The following BMP2K variants were observed in gnomAD, a reference collection of about 807,000 sequenced individuals.
BMP2K encodes the protein BMP2 inducible kinase.
A neutral mutation model predicts 116.0 loss-of-function variants in BMP2K; 74 were observed. The ratio of observed to expected loss-of-function variants is 0.64; its 90% CI spans 0.53 to 0.77. BMP2K has a LOEUF of 0.77. Among genes scored for constraint, BMP2K ranks in the 30% least tolerant of loss-of-function variants. The pLI, the probability that BMP2K is intolerant of heterozygous loss-of-function variation, is 0.00. For missense variants in BMP2K, 1,365 were observed against 1,403.6 expected, an observed-to-expected ratio of 0.97 and a Z score of 0.44; for synonymous variants, 486 against 502.5, an observed-to-expected ratio of 0.97 and a Z score of 0.44.
At chr4:78,795,788 A>G (rs182445766) in intron 1 of BMP2K, among the ~76,000 whole-genome samples, 126 of 152,372 alleles carry the variant, frequency 8.3e-4, no homozygotes, top group African/African-American at 2.9e-3. Flanking sequence ...ACATGAAAAA[A>G]TACTCATCAT....
chr4:78,799,795 A>T (rs1039293274), intron 1 of BMP2K, among the ~76,000 whole-genome samples: 2 of 152,182 alleles, frequency 1.3e-5, no homozygotes, highest in East Asian at 3.8e-4. Flanking sequence ...TCACCCCCTC[A>T]GAGTAGCCTG....
At chr4:78,879,098 A>G in intron 14 of BMP2K, 2 of 1,310,516 alleles carry the variant, frequency 1.5e-6, no homozygotes, top group Non-Finnish European at 1.9e-6. Context: ...TATTAAACCC[A>G]ATATTGCTGA....
Position 78,834,809 on chromosome 4 carries a change from A to G in BMP2K, c.403+1122A>G, listed in dbSNP as rs185658779. 6.6e-5 allele frequency among the ~76,000 whole-genome samples: 10 copies of G among 152,290 alleles called. No homozygotes were observed. In the East Asian group the frequency reaches 1.9e-3, roughly 29 times the overall value. ...ACTGCAGTATTTTAAGGAGGAAAGG[A>G]TGGGGAAAATGAAGTGAATCAATGT... On this transcript the variant is annotated intron_variant, in intron 3 of 15. Transcript: ENST00000502613.
Position 78,890,321 on chromosome 4 carries a change from T to C in BMP2K, c.2062+3037T>C, listed in dbSNP as rs546128489. Among the ~76,000 whole-genome samples the C allele has an allele frequency of 6.6e-5, 10 of 152,262 alleles. No homozygotes were observed. In the South Asian group the frequency reaches 2.1e-3, roughly 32 times the overall value. Reference sequence around the variant, plus strand: ...TCTGCACTTTTTAAAACAATAGCTATGGACTTTCTATTATGGAAAATGAGA... The same window carrying C: ...TCTGCACTTTTTAAAACAATAGCTACGGACTTTCTATTATGGAAAATGAGA... On this transcript the variant is annotated intron_variant, in intron 15 of 15. Coordinates refer to ENST00000502613, the MANE Select transcript of BMP2K (RefSeq NM_198892.2).
chr4:78,873,356 A>C (rs1041923064), intron 13 of BMP2K, among the ~76,000 whole-genome samples: 14 of 152,218 alleles, frequency 9.2e-5, no homozygotes, highest in African/African-American at 3.4e-4. Context: ...ACTTTGGTAC[A>C]AAATTTCTTA....
At chr4:78,864,258 A>T (rs1166294853) in intron 9 of BMP2K, among the ~76,000 whole-genome samples, 1 of 152,100 alleles carries the variant, frequency 6.6e-6, no homozygotes, top group Non-Finnish European at 1.5e-5. Flanking sequence ...AAAGAGAGAG[A>T]TTGTGTACAA....
chr4:78,805,962 C>G (rs1323535880), intron 1 of BMP2K, among the ~76,000 whole-genome samples: 1 of 152,006 alleles, frequency 6.6e-6, no homozygotes, highest in Admixed American at 6.6e-5. Context: ...CAGAGTGAGA[C>G]TCCATCTCAC....
chr4:78,808,508 C>T (rs1397099740), intron 1 of BMP2K, among the ~76,000 whole-genome samples: 9 of 152,048 alleles, frequency 5.9e-5, no homozygotes, highest in South Asian at 2.1e-4. Flanking sequence ...CCTTGTGATC[C>T]GTCCGCCTCA....
intron 7 of BMP2K, among the ~76,000 whole-genome samples, chr4:78,853,147 T>TA (rs1731337379): frequency 7.2e-5 from 11 of 152,154 alleles, no homozygotes; most frequent in Admixed American, 7.2e-4. Context: ...CATAAGAAGA[T>TA]ACACATCGTT....
rs1283675224 is a variant in BMP2K, at chr4:78,911,066, C to G, written c.2519C>G (p.Ala840Gly). ...CTTAATACAATACTCCTCACCTCAG[C>G]CCAATTATCCTCTGATGTTGCAGTG... ...QDLNTILLTS[A>G]QLSSDVAVET... is the part of the protein sequence containing the mutation. Residue 840 changes from alanine (A) to glycine (G), a missense_variant, in exon 16 of 16, where the codon GCC becomes GGC. This residue lies in a region of BMP2K where 596 missense variants were observed against 623.2 expected (regional missense o/e 0.96). Transcript: ENST00000502613. 6.2e-7 allele frequency: 1 copy of G among 1,613,964 alleles called. No individual in the cohort carries two copies. Among genetic ancestry groups the G allele is most frequent in the South Asian group, 1.1e-5 (1 of 91,084 alleles).
chr4:78,816,773 A>G (rs1336546498), intron 1 of BMP2K, among the ~76,000 whole-genome samples: 1 of 152,194 alleles, frequency 6.6e-6, no homozygotes, highest in Non-Finnish European at 1.5e-5. Flanking sequence ...CTTATGGGAA[A>G]TCAGAGGCGC....
intron 14 of BMP2K, among the ~76,000 whole-genome samples, chr4:78,882,759 A>C (rs1441523885): frequency 1.3e-5 from 2 of 152,022 alleles, no homozygotes; most frequent in African/African-American, 4.8e-5. Flanking sequence ...GAAAAATAGA[A>C]GATAACTAAA....
intron 1 of BMP2K, among the ~76,000 whole-genome samples, chr4:78,798,615 C>T (rs961798779): frequency 3.3e-5 from 5 of 152,176 alleles, no homozygotes; most frequent in South Asian, 4.1e-4. Flanking sequence ...GAAACTCCAA[C>T]GGATACTTGG....
chr4:78,829,699 A>C (rs1426433657), intron 2 of BMP2K, among the ~76,000 whole-genome samples: 1 of 151,684 alleles, frequency 6.6e-6, no homozygotes, highest in Non-Finnish European at 1.5e-5. Context: ...AGTTAAAATT[A>C]CTCCTTGACT....
chr4:78,857,351 GAT>G (rs1263394566), intron 7 of BMP2K, among the ~76,000 whole-genome samples: 1 of 152,026 alleles, frequency 6.6e-6, no homozygotes, highest in African/African-American at 2.4e-5. Context: ...TTGCTTATAA[GAT>G]AATATCAGTT....
Position 78,872,540 on chromosome 4 carries a change from T to G in BMP2K, c.1609-74T>G, listed in dbSNP as rs1050981240. 52 of 1,358,032 alleles carry G rather than the reference T, an allele frequency of 3.8e-5. No homozygotes were observed. The African/African-American group carries it at 7.0e-4, about 18-fold the overall frequency. The allele number at this position is 1,358,032 out of a possible 1,614,324, so 84.1% of individuals were successfully genotyped here. A position where few individuals can be genotyped will look rare whatever the true frequency, so the allele number is the denominator to read the frequency against. On this transcript the variant is annotated intron_variant, in intron 12 of 15. Transcript: ENST00000502613. ...GTCACCAATGTGAAAGGAAGGAACA[T>G]AGTAAATAGATGCAGTGCTGACAGT... is the stretch of plus-strand genomic sequence containing the variant.
At position 78,832,329 on chromosome 4, in the gene BMP2K, A is replaced by C. The variant is rs143126665; in HGVS notation, c.298-1253A>C. ...TTCCGCATTCTTGCCAACACTTGTTATTAATGTCAGTTGTACTTATCCACC... is the reference window on the plus strand; with the variant it reads ...TTCCGCATTCTTGCCAACACTTGTTCTTAATGTCAGTTGTACTTATCCACC... On this transcript the variant is annotated intron_variant, in intron 2 of 15. Transcript: ENST00000502613. 3.4e-3 allele frequency among the ~76,000 whole-genome samples: 513 copies of C among 152,274 alleles called. 3 individuals are homozygous for C. The highest frequency in any genetic ancestry group is 5.6e-3 in the Non-Finnish European group (380 of 67,988).
In BMP2K at chr4:78,910,857, A is replaced by G. The variant is rs1360075614; in HGVS notation, c.2310A>G (p.Gly770=). The change falls in exon 16 of 16, where the codon GGA becomes GGG. Residue 770 remains glycine (G), a synonymous_variant. Coordinates refer to ENST00000502613, the MANE Select transcript of BMP2K (RefSeq NM_198892.2). ...DDEEVLQGEQ[G]DFNDDDTEPE... is the part of the protein sequence containing the mutation. ...AAGAAGTTCTTCAGGGGGAACAAGG[A>G]GATTTTAATGATGATGATACTGAAC... 6.2e-7 allele frequency: 1 copy of G among 1,614,020 alleles called. No homozygotes were observed. The highest frequency in any genetic ancestry group is 8.5e-7 in the Non-Finnish European group (1 of 1,179,880).
intron 1 of BMP2K, among the ~76,000 whole-genome samples, chr4:78,804,000 T>G (rs1487445342): frequency 2.6e-5 from 4 of 152,220 alleles, no homozygotes; most frequent in Admixed American, 6.5e-5. Context: ...TTTACCCTTT[T>G]AAAGTATAAA....
Sources: allele counts gnomAD v4.1 joint callset (sites outside exome capture counted in the v4.1 genomes callset), GRCh38; gene constraint gnomAD v4.1.1; regional missense constraint gnomAD v4.1.1; transcripts MANE v1.5; gene names NCBI Gene and HGNC (gene_info 2026-07-23, HGNC 2026-07-21).